Variants in GRIK2 observed in about 807,000 individuals in gnomAD.
GRIK2 encodes the protein glutamate ionotropic receptor kainate type subunit 2, also known as glutamate receptor ionotropic, kainate 2.
In GRIK2, 32 loss-of-function variants were observed where a neutral mutation model predicts 100.3. The observed-to-expected ratio is 0.32, with a 90% CI of 0.24 to 0.43. The LOEUF (loss-of-function observed/expected upper bound fraction) is 0.43. Among genes scored for constraint, GRIK2 ranks in the 20% least tolerant of loss-of-function variants. The pLI, the probability that GRIK2 is intolerant of heterozygous loss-of-function variation, is 1.00. For missense variants in GRIK2, 843 were observed against 1,114.9 expected, an observed-to-expected ratio of 0.76 and a Z score of 3.47; for synonymous variants, 417 against 389.4, an observed-to-expected ratio of 1.07 and a Z score of -0.83.
intron 10 of GRIK2, among the ~76,000 whole-genome samples, chr6:101,818,835 C>T (rs73512769): frequency 3.2e-3 from 492 of 152,230 alleles, no homozygotes; most frequent in African/African-American, 0.011. Context: ...CAAAAGTGAA[C>T]TTTGCTTCTG....
chr6:101,589,771 A>G (rs1210320113), intron 2 of GRIK2, among the ~76,000 whole-genome samples: 1 of 152,086 alleles, frequency 6.6e-6, no homozygotes, highest in East Asian at 1.9e-4. Context: ...GGAAGTAATG[A>G]TTGGGACATC....
chr6:101,679,774 C>G lies in GRIK2; in HGVS notation c.724-2779C>G, dbSNP rs558343425. Among the ~76,000 whole-genome samples, 20 of 152,308 alleles carry G rather than the reference C, an allele frequency of 1.3e-4. No homozygotes were observed. The South Asian group carries it at 4.1e-3, about 32-fold the overall frequency. ...TTTGTTTGTTTGATGGAGTCTGGCT[C>G]TGTCGCCCAGGCTAAAGTGCAATGG... On this transcript the variant is annotated intron_variant, in intron 5 of 16. Transcript: ENST00000369134.
At chr6:102,010,208 A>G (rs1279628300) in intron 14 of GRIK2, among the ~76,000 whole-genome samples, 1 of 152,050 alleles carries the variant, frequency 6.6e-6, no homozygotes, top group African/African-American at 2.4e-5. Context: ...CCCAATGTCC[A>G]TAGTTTATAT....
At chr6:101,957,820 T>G (rs1189162135) in intron 14 of GRIK2, among the ~76,000 whole-genome samples, 1 of 152,036 alleles carries the variant, frequency 6.6e-6, no homozygotes, top group African/African-American at 2.4e-5. Context: ...TCAATTTTGT[T>G]GAAGATCAGT....
chr6:101,405,345 AT>A (rs1392097937), intron 2 of GRIK2, among the ~76,000 whole-genome samples: 1 of 152,118 alleles, frequency 6.6e-6, no homozygotes, highest in Non-Finnish European at 1.5e-5. Context: ...AGCTGATTTA[AT>A]AAATGGAATT....
intron 2 of GRIK2, among the ~76,000 whole-genome samples, chr6:101,563,391 C>A (rs1047743542): frequency 7.3e-5 from 11 of 151,076 alleles, no homozygotes; most frequent in African/African-American, 2.7e-4. Context: ...TTCCAAAAAA[C>A]ATCTTAATAA....
At chr6:101,780,224 C>T (rs1779004445) in intron 7 of GRIK2, among the ~76,000 whole-genome samples, 2 of 152,256 alleles carry the variant, frequency 1.3e-5, no homozygotes, top group Admixed American at 1.3e-4. Context: ...ACCATACTAG[C>T]CTGGTATTCG....
chr6:101,409,481 T>A (rs1775774759), intron 2 of GRIK2, among the ~76,000 whole-genome samples: 1 of 152,104 alleles, frequency 6.6e-6, no homozygotes, highest in Non-Finnish European at 1.5e-5. Flanking sequence ...AAATCAGAAT[T>A]TAAAATAAAT....
chr6:101,648,530 A>C (rs1781636234), intron 4 of GRIK2, among the ~76,000 whole-genome samples: 1 of 152,130 alleles, frequency 6.6e-6, no homozygotes, highest in Non-Finnish European at 1.5e-5. Flanking sequence ...AATGAATATA[A>C]AAATTTCCTT....
chr6:101,621,375 C>T (rs999892863), intron 2 of GRIK2, among the ~76,000 whole-genome samples: 2 of 151,976 alleles, frequency 1.3e-5, no homozygotes, highest in Non-Finnish European at 2.9e-5. Context: ...ATCACCTGAG[C>T]CCAAGGAGGT....
intron 2 of GRIK2, among the ~76,000 whole-genome samples, chr6:101,418,423 A>G (rs1167274830): frequency 6.6e-6 from 1 of 152,164 alleles, no homozygotes; most frequent in Non-Finnish European, 1.5e-5. Flanking sequence ...GGGTGAAGAT[A>G]GTTTTTCTAT....
intron 11 of GRIK2, among the ~76,000 whole-genome samples, chr6:101,874,996 G>A (rs1582431933): frequency 6.6e-6 from 1 of 152,032 alleles, no homozygotes; most frequent in Non-Finnish European, 1.5e-5. Context: ...GGAAATTTTG[G>A]GCTGAGATGA....
chr6:101,654,770 A>G (rs574119286), intron 4 of GRIK2, among the ~76,000 whole-genome samples: 72 of 152,202 alleles, frequency 4.7e-4, no homozygotes, highest in African/African-American at 1.7e-3. Flanking sequence ...TTTAACCTCT[A>G]TGCCAGATGT....
At chr6:102,034,834 T>C (rs866813010) in intron 14 of GRIK2, among the ~76,000 whole-genome samples, 4 of 151,548 alleles carry the variant, frequency 2.6e-5, no homozygotes, top group African/African-American at 9.6e-5. Context: ...AACCCATACA[T>C]TTTTTGTGTA....
chr6:101,716,932 A>G (rs995284109), intron 7 of GRIK2, among the ~76,000 whole-genome samples: 17 of 151,784 alleles, frequency 1.1e-4, no homozygotes, highest in Admixed American at 1.3e-4. Flanking sequence ...TGCTTCCTTA[A>G]TCTCCACAGG....
chr6:101,457,343 T>C (rs2128251203), intron 2 of GRIK2, among the ~76,000 whole-genome samples: 1 of 152,262 alleles, frequency 6.6e-6, no homozygotes, highest in East Asian at 1.9e-4. Context: ...ATTACAAAGC[T>C]TGTTATCTTT....
chr6:101,415,835 T>C (rs1179879325), intron 2 of GRIK2, among the ~76,000 whole-genome samples: 1 of 152,184 alleles, frequency 6.6e-6, no homozygotes, highest in African/African-American at 2.4e-5. Flanking sequence ...TAATGAATCT[T>C]CCTAAATTTT....
chr6:101,869,910 T>G (rs73496621), intron 11 of GRIK2, among the ~76,000 whole-genome samples: 1,635 of 151,984 alleles, frequency 0.011, 34 homozygotes, highest in African/African-American at 0.037. Context: ...CTACATGAAC[T>G]GCAGATTTTG....
chr6:101,487,563 A>G lies in GRIK2; in HGVS notation c.115+88171A>G, dbSNP rs1035483202. Among the ~76,000 whole-genome samples, 5 of 147,134 alleles carry G rather than the reference A, an allele frequency of 3.4e-5. 1 individual carries two copies. The highest frequency in any genetic ancestry group is 1.3e-4 in the African/African-American group (5 of 38,726). On this transcript the variant is annotated intron_variant, in intron 2 of 16. Coordinates refer to ENST00000369134, the MANE Select transcript of GRIK2 (RefSeq NM_021956.5). ...CATCTTTTAAGATATGAAAATCACC[A>G]ATATGTATAAAACAAACTACTGGAA...
Sources: allele counts gnomAD v4.1 joint callset (sites outside exome capture counted in the v4.1 genomes callset), GRCh38; gene constraint gnomAD v4.1.1; transcripts MANE v1.5; gene names NCBI Gene and HGNC (gene_info 2026-07-23, HGNC 2026-07-21).